The following TIAL1 variants were observed in gnomAD, a reference collection of about 807,000 sequenced individuals.
The protein encoded by TIAL1 is nucleolysin TIAR.
Under a neutral mutation model 59.7 loss-of-function variants are expected in TIAL1, and 7 were observed. That is an observed-to-expected ratio of 0.12 (90% CI 0.07 to 0.22). The LOEUF is 0.22. TIAL1 is among the 10% of genes least tolerant of loss of function. The pLI, the probability that TIAL1 is intolerant of heterozygous loss-of-function variation, is 1.00. For synonymous variants in TIAL1, 149 were observed against 146.3 expected, an observed-to-expected ratio of 1.02 and a Z score of -0.13; for missense variants, 225 against 462.5, an observed-to-expected ratio of 0.49 and a Z score of 4.71.
chr10:119,585,320 T>C (rs1377353090), intron 2 of TIAL1, among the ~76,000 whole-genome samples: 1 of 147,016 alleles, frequency 6.8e-6, no homozygotes, highest in African/African-American at 2.5e-5. Context: ...GAACTAGGTG[T>C]GGCGGTGCTG....
Position 119,592,146 on chromosome 10 carries a change from A to G in TIAL1, c.33-3898T>C, listed in dbSNP as rs867783458. The G allele has an allele frequency of 3.9e-5, 6 of 152,254 alleles. No homozygotes were observed. The South Asian group carries it at 1.0e-3, about 26-fold the overall frequency. The allele number at this position is 152,254 out of a possible 1,614,324, so 9.4% of individuals were successfully genotyped here. ...AAGAACATACACAAAATAACAGAAAAAAGATAAATGGCTCTAATTTTTGTA... is the reference window on the plus strand; with the variant it reads ...AAGAACATACACAAAATAACAGAAAGAAGATAAATGGCTCTAATTTTTGTA... On this transcript the variant is annotated intron_variant, in intron 1 of 11. Coordinates refer to ENST00000436547, the MANE Select transcript of TIAL1 (RefSeq NM_003252.4).
Position 119,596,650 on chromosome 10 carries a change from G to A in TIAL1, c.-185C>T, listed in dbSNP as rs1301998498. 16 of 544,182 alleles carry A rather than the reference G, an allele frequency of 2.9e-5. No homozygotes were observed. The highest frequency in any genetic ancestry group is 1.9e-4 in the East Asian group (6 of 31,174). The allele number at this position is 544,182 out of a possible 1,614,324, so 33.7% of individuals were successfully genotyped here. A position where few individuals can be genotyped will look rare whatever the true frequency, so the allele number is the denominator to read the frequency against. On this transcript the variant is annotated 5_prime_UTR_variant, in exon 1 of 12. Transcript: ENST00000436547. ...CACTGCGCTCCAACCAGGAGGAGCA[G>A]GAGGAGGAGGAGGATGAACAAAATG... is the stretch of plus-strand genomic sequence containing the variant.
chr10:119,577,164 C>G lies in TIAL1; in HGVS notation c.777G>C (p.Ser259=), dbSNP rs762457694. Residue 259 remains serine (S), a synonymous_variant, in exon 10 of 12, where the codon TCG becomes TCC. Transcript: ENST00000436547. ...THESAAHAIV[S]VNGTTIEGHV... ...GTCCTTCAATCGTAGTACCGTTCAC[C>G]GAAACAATGGCATGGGCTGCACTTT... 1 of 1,612,584 alleles carries G rather than the reference C, an allele frequency of 6.2e-7. No homozygotes were observed. The highest frequency in any genetic ancestry group is 8.5e-7 in the Non-Finnish European group (1 of 1,179,586).
At position 119,574,250 on chromosome 10, in the gene TIAL1, G is replaced by C. The variant is rs1241653247; in HGVS notation, c.*1415C>G. 6.6e-6 allele frequency: 1 copy of C among 152,178 alleles called. No individual in the cohort carries two copies. The highest frequency in any genetic ancestry group is 1.5e-5 in the Non-Finnish European group (1 of 68,016). 9.4% of individuals were successfully genotyped at this position (152,178 alleles called of 1,614,324 possible). A position where few individuals can be genotyped will look rare whatever the true frequency, so the allele number is the denominator to read the frequency against. On this transcript the variant is annotated 3_prime_UTR_variant, in exon 12 of 12. Transcript: ENST00000436547. ...CCTCGGTCTTCTGCATCTTCCAATTGATTCCTTTACAAACTCTGCACACAT... is the reference window on the plus strand; with the variant it reads ...CCTCGGTCTTCTGCATCTTCCAATTCATTCCTTTACAAACTCTGCACACAT...
chr10:119,593,447 C>T, intron 1 of TIAL1: 1 of 982,404 alleles, frequency 1.0e-6, no homozygotes, highest in Non-Finnish European at 1.2e-6. Context: ...TATTTAAAGA[C>T]CTACCTAGGC....
intron 2 of TIAL1, among the ~76,000 whole-genome samples, chr10:119,584,514 C>T (rs1427099034): frequency 2.0e-5 from 3 of 152,024 alleles, no homozygotes; most frequent in Non-Finnish European, 4.4e-5. Context: ...CTTATTTACA[C>T]CACCAAGTGA....
chr10:119,575,391 T>C lies in TIAL1; in HGVS notation c.*274A>G, dbSNP rs918223056. 7.0e-6 allele frequency: 2 copies of C among 285,384 alleles called. No individual in the cohort carries two copies. The highest frequency in any genetic ancestry group is 1.3e-5 in the Non-Finnish European group (2 of 151,584). The allele number at this position is 285,384 out of a possible 1,614,324, so 17.7% of individuals were successfully genotyped here. A position where few individuals can be genotyped will look rare whatever the true frequency, so the allele number is the denominator to read the frequency against. On this transcript the variant is annotated 3_prime_UTR_variant, in exon 12 of 12. Coordinates refer to ENST00000436547, the MANE Select transcript of TIAL1 (RefSeq NM_003252.4). ...AATGTATTAGCCATTTTTCCTATTA[T>C]ATCAAAATTTGTAGTCAGAATTGTC...
In TIAL1 at chr10:119,575,457, C is replaced by A; in HGVS notation, c.*208G>T. 2.2e-6 allele frequency: 1 copy of A among 464,110 alleles called. No homozygotes were observed. The highest frequency in any genetic ancestry group is 3.7e-6 in the Non-Finnish European group (1 of 271,370). 28.7% of individuals were successfully genotyped at this position (464,110 alleles called of 1,614,324 possible). On this transcript the variant is annotated 3_prime_UTR_variant, in exon 12 of 12. Transcript: ENST00000436547. Reference sequence around the variant, plus strand: ...TTAGTTTTTGTACATAAAGAAAAATCATGTTCATATCCATCATGAACAAAA... The same window carrying A: ...TTAGTTTTTGTACATAAAGAAAAATAATGTTCATATCCATCATGAACAAAA...
At chr10:119,594,357 A>C (rs962068536) in intron 1 of TIAL1, among the ~76,000 whole-genome samples, 4 of 152,216 alleles carry the variant, frequency 2.6e-5, no homozygotes, top group Admixed American at 6.5e-5. Context: ...AGATAAATAA[A>C]AGACATCAAA....
chr10:119,595,915 GAA>G (rs1482703994), intron 1 of TIAL1, among the ~76,000 whole-genome samples: 2 of 152,160 alleles, frequency 1.3e-5, no homozygotes, highest in South Asian at 2.1e-4. Flanking sequence ...CTTGAGTGGT[GAA>G]AGAGTGTCCT....
intron 2 of TIAL1, among the ~76,000 whole-genome samples, chr10:119,587,129 T>C (rs1845605809): frequency 6.6e-6 from 1 of 152,254 alleles, no homozygotes; most frequent in South Asian, 2.1e-4. Context: ...CAATGCACTT[T>C]AAAGGTTTTT....
intron 1 of TIAL1, among the ~76,000 whole-genome samples, chr10:119,595,572 G>A (rs1176479412): frequency 6.6e-6 from 1 of 152,156 alleles, no homozygotes; most frequent in Non-Finnish European, 1.5e-5. Context: ...TCATTCATTA[G>A]ATTGAGCTTC....
chr10:119,595,993 G>A (rs529952001), intron 1 of TIAL1, among the ~76,000 whole-genome samples: 14 of 152,094 alleles, frequency 9.2e-5, no homozygotes, highest in Admixed American at 6.5e-5. Context: ...CGTGGAAGGG[G>A]TGAGTGCTAA....
intron 1 of TIAL1, among the ~76,000 whole-genome samples, chr10:119,594,474 T>C (rs1846050747): frequency 6.6e-6 from 1 of 152,252 alleles, no homozygotes; most frequent in Non-Finnish European, 1.5e-5. Flanking sequence ...CAGTGTGTGA[T>C]GATACTTCAG....
At chr10:119,578,460 G>A (rs535057590) in intron 7 of TIAL1, among the ~76,000 whole-genome samples, 1 of 152,034 alleles carries the variant, frequency 6.6e-6, no homozygotes, top group South Asian at 2.1e-4. Context: ...ACCAGACCCT[G>A]TCTCTATAAA....
chr10:119,596,383 C>T (rs750805079), intron 1 of TIAL1, 51 bp downstream of exon 1: 1 of 1,607,032 alleles, frequency 6.2e-7, no homozygotes, highest in East Asian at 2.2e-5. Flanking sequence ...CTTAGCGTCC[C>T]GCGGTGCCCG....
Position 119,574,522 on chromosome 10 carries a change from T to C in TIAL1, c.*1143A>G, listed in dbSNP as rs955465636. 3.7e-5 allele frequency: 5 copies of C among 134,710 alleles called. No homozygotes were observed. The highest frequency in any genetic ancestry group is 4.6e-5 in the Non-Finnish European group (3 of 65,624). The allele number at this position is 134,710 out of a possible 1,614,324, so 8.3% of individuals were successfully genotyped here. On this transcript the variant is annotated 3_prime_UTR_variant, in exon 12 of 12. Transcript: ENST00000436547. ...AAAAACACTTGTACTATACAACTTA[T>C]AGTAACCTTGAAATTGGTTTACAAG...
chr10:119,580,908 G>A, intron 5 of TIAL1: 2 of 965,156 alleles, frequency 2.1e-6, no homozygotes, highest in Admixed American at 3.6e-5. Flanking sequence ...AAAACTGCAG[G>A]TCTCAGGTAT....
intron 1 of TIAL1, among the ~76,000 whole-genome samples, chr10:119,589,610 T>C (rs1430442681): frequency 6.6e-6 from 1 of 152,214 alleles, no homozygotes. Context: ...CTATGGACAC[T>C]TAAAAATTTG....
Sources: allele counts gnomAD v4.1 joint callset (sites outside exome capture counted in the v4.1 genomes callset), GRCh38; gene constraint gnomAD v4.1.1; transcripts MANE v1.5; gene names NCBI Gene and HGNC (gene_info 2026-07-23, HGNC 2026-07-21).